The following TRNAU1AP variants were observed in gnomAD, a reference collection of about 807,000 sequenced individuals.
TRNAU1AP encodes the protein tRNA selenocysteine 1-associated protein 1.
A neutral mutation model predicts 43.3 loss-of-function variants in TRNAU1AP; 33 were observed. That is an observed-to-expected ratio of 0.76 (90% CI 0.58 to 1.02). The LOEUF is 1.02. Among genes scored for constraint, TRNAU1AP ranks in the 50% least tolerant of loss-of-function variants. The pLI is 0.00. For missense variants in TRNAU1AP, 290 were observed against 362.7 expected, an observed-to-expected ratio of 0.80 and a Z score of 1.63; for synonymous variants, 143 against 129.1, an observed-to-expected ratio of 1.11 and a Z score of -0.73.
intron 2 of TRNAU1AP, among the ~76,000 whole-genome samples, chr1:28,554,410 A>G (rs533762932): frequency 1.2e-4 from 19 of 152,252 alleles, no homozygotes; most frequent in Non-Finnish European, 2.2e-4. Context: ...AGTGTATGGC[A>G]TATAGCATAT....
At chr1:28,558,397 T>C in intron 2 of TRNAU1AP, among the ~76,000 whole-genome samples, 1 of 150,526 alleles carries the variant, frequency 6.6e-6, no homozygotes, top group African/African-American at 2.4e-5. Flanking sequence ...GTATATTTTT[T>C]TTTTGTTTGT....
intron 4 of TRNAU1AP, among the ~76,000 whole-genome samples, chr1:28,562,939 A>C (rs919884051): frequency 7.3e-6 from 1 of 137,622 alleles, no homozygotes; most frequent in Non-Finnish European, 1.5e-5. Flanking sequence ...TCTGTTGCCC[A>C]AGCTGGAGTG....
intron 4 of TRNAU1AP, among the ~76,000 whole-genome samples, chr1:28,564,127 G>T (rs148585100): frequency 6.6e-6 from 1 of 152,082 alleles, no homozygotes; most frequent in Non-Finnish European, 1.5e-5. Context: ...TTAGCTGGGC[G>T]TGGTGGTGCG....
At chr1:28,566,994 C>T (rs796226254) in intron 5 of TRNAU1AP, among the ~76,000 whole-genome samples, 8 of 152,162 alleles carry the variant, frequency 5.3e-5, no homozygotes, top group East Asian at 1.9e-4. Flanking sequence ...AGCAGGGTGT[C>T]GGGGAAGCTC....
chr1:28,574,383 C>T (rs942225289), intron 8 of TRNAU1AP, among the ~76,000 whole-genome samples: 3 of 151,058 alleles, frequency 2.0e-5, no homozygotes, highest in Admixed American at 6.6e-5. Context: ...CCACTGTGCC[C>T]GGCCAAGTAT....
intron 8 of TRNAU1AP, among the ~76,000 whole-genome samples, chr1:28,574,096 T>TG (rs1665722307): frequency 6.7e-6 from 1 of 149,342 alleles, no homozygotes; most frequent in African/African-American, 2.5e-5. Flanking sequence ...TTTTTTTTTT[T>TG]GGGAGACGGA....
chr1:28,565,790 T>TAAAAAAA (rs768201216), intron 5 of TRNAU1AP: 7 of 84,698 alleles, frequency 8.3e-5, no homozygotes, highest in Non-Finnish European at 1.4e-4. Flanking sequence ...CTGTCTCAAA[T>TAAAAAAA]AAAAAAAAAA....
chr1:28,567,533 T>G, intron 6 of TRNAU1AP, 120 bp downstream of exon 6: 1 of 1,194,748 alleles, frequency 8.4e-7, no homozygotes, highest in Non-Finnish European at 1.1e-6. Flanking sequence ...CCAATTCAAG[T>G]CACAAGTACT....
At chr1:28,577,289 C>A (rs115561846) in intron 8 of TRNAU1AP, among the ~76,000 whole-genome samples, 1,988 of 152,240 alleles carry the variant, frequency 0.013, 42 homozygotes, top group African/African-American at 0.045. Flanking sequence ...TTAATAGATG[C>A]AGGCTAACAG....
intron 3 of TRNAU1AP, 21 bp downstream of exon 3, chr1:28,560,753 A>T: frequency 6.4e-7 from 1 of 1,563,674 alleles, no homozygotes; most frequent in South Asian, 1.1e-5. Flanking sequence ...TTAGATAATG[A>T]TGATGTTGCC....
chr1:28,578,259 C>CAGCTCAGAAAGGATTAAGGAAGAT lies in TRNAU1AP; in HGVS notation c.*630_*653dup, dbSNP rs1553123726. ...ATCAATATTTTGACACGGGAGAAGG[C>CAGCTCAGAAAGGATTAAGGAAGAT]AGCTCAGAAAGGATTAAGGAAGATA... is the stretch of plus-strand genomic sequence containing the variant. On this transcript the variant is annotated 3_prime_UTR_variant, in exon 9 of 9. Transcript: ENST00000373830. 1 of 159,722 alleles carries CAGCTCAGAAAGGATTAAGGAAGAT rather than the reference C, an allele frequency of 6.3e-6. No individual in the cohort carries two copies. The highest frequency in any genetic ancestry group is 2.4e-5 in the African/African-American group (1 of 41,454). The allele number at this position is 159,722 out of a possible 1,614,324, so 9.9% of individuals were successfully genotyped here. A position where few individuals can be genotyped will look rare whatever the true frequency, so the allele number is the denominator to read the frequency against.
chr1:28,562,465 T>G (rs928876430), intron 4 of TRNAU1AP, among the ~76,000 whole-genome samples: 29 of 152,188 alleles, frequency 1.9e-4, no homozygotes, highest in Non-Finnish European at 3.1e-4. Context: ...TGGATCGTAT[T>G]TATGAACATT....
intron 2 of TRNAU1AP, among the ~76,000 whole-genome samples, chr1:28,560,331 G>T (rs887745419): frequency 2.0e-5 from 3 of 150,262 alleles, no homozygotes; most frequent in Non-Finnish European, 4.4e-5. Flanking sequence ...GCTCAGGCTG[G>T]AGCAGTGTGG....
At chr1:28,553,520 C>T in intron 1 of TRNAU1AP, 120 bp from the exon 2 acceptor site, 1 of 936,510 alleles carries the variant, frequency 1.1e-6, no homozygotes, top group Non-Finnish European at 1.6e-6. Flanking sequence ...GGAGGCGAAC[C>T]TCGCCCCTCG....
chr1:28,553,375 CAT>C (rs773666185), intron 1 of TRNAU1AP: 11 of 626,990 alleles, frequency 1.8e-5, no homozygotes, highest in Admixed American at 1.2e-4. Flanking sequence ...GCTTTGGGGA[CAT>C]AGAATGGGAG....
chr1:28,571,793 A>AAAAAT, intron 7 of TRNAU1AP, 74 bp from the exon 8 acceptor site: 1 of 1,293,072 alleles, frequency 7.7e-7, no homozygotes, highest in Non-Finnish European at 1.1e-6. Flanking sequence ...AAAAAAAATA[A>AAAAAT]AAAATATAAG....
At chr1:28,564,942 C>A in intron 5 of TRNAU1AP, 108 bp downstream of exon 5, 1 of 1,377,518 alleles carries the variant, frequency 7.3e-7, no homozygotes, top group Non-Finnish European at 1.0e-6. Flanking sequence ...AGACCACAAG[C>A]TCTGGAGCCA....
chr1:28,577,743 G>T lies in TRNAU1AP; in HGVS notation c.*107G>T, dbSNP rs1665831126. ...ATATGATTTGTAAGATTTTAATAAT[G>T]ACTGTTTTTGGAGATCATGAATGTT... On this transcript the variant is annotated 3_prime_UTR_variant, in exon 9 of 9. Transcript: ENST00000373830. 7.9e-7 allele frequency: 1 copy of T among 1,264,224 alleles called. No individual in the cohort carries two copies. 78.3% of individuals were successfully genotyped at this position (1,264,224 alleles called of 1,614,324 possible).
At chr1:28,562,295 GT>G (rs902755860) in intron 4 of TRNAU1AP, among the ~76,000 whole-genome samples, 1 of 152,166 alleles carries the variant, frequency 6.6e-6, no homozygotes, top group Non-Finnish European at 1.5e-5. Context: ...AATAGCTAAA[GT>G]TGGGGAAAAC....
Sources: allele counts gnomAD v4.1 joint callset (sites outside exome capture counted in the v4.1 genomes callset), GRCh38; gene constraint gnomAD v4.1.1; transcripts MANE v1.5; gene names NCBI Gene and HGNC (gene_info 2026-07-23, HGNC 2026-07-21).